Variants in SPOCK3 observed in about 807,000 individuals in gnomAD.
SPOCK3 encodes SPARC (osteonectin), cwcv and kazal like domains proteoglycan 3.
In SPOCK3, 30 loss-of-function variants were observed where a neutral mutation model predicts 56.6. The observed-to-expected ratio is 0.53, with a 90% CI of 0.40 to 0.72. The LOEUF (loss-of-function observed/expected upper bound fraction) is 0.72. Among genes scored for constraint, SPOCK3 ranks in the 30% least tolerant of loss-of-function variants. The pLI is 0.00. For synonymous variants in SPOCK3, 196 were observed against 183.3 expected (o/e 1.07, Z -0.56); for missense variants, 527 against 530.0 (o/e 0.99, Z 0.06).
intron 4 of SPOCK3, among the ~76,000 whole-genome samples, chr4:166,942,223 T>A (rs1453735332): frequency 1.3e-5 from 2 of 152,110 alleles, no homozygotes; most frequent in Non-Finnish European, 2.9e-5. Context: ...TAATTTTTTT[T>A]ATTTTTTAGA....
At chr4:167,175,892 A>G (rs1730941797) in intron 2 of SPOCK3, among the ~76,000 whole-genome samples, 1 of 152,168 alleles carries the variant, frequency 6.6e-6, no homozygotes, top group Non-Finnish European at 1.5e-5. Context: ...AGTGTATTGT[A>G]TTAATTTCCT....
intron 2 of SPOCK3, among the ~76,000 whole-genome samples, chr4:167,152,419 C>G (rs746283141): frequency 6.6e-6 from 1 of 152,056 alleles, no homozygotes; most frequent in African/African-American, 2.4e-5. Flanking sequence ...TATATAACAA[C>G]GAACCATGGA....
chr4:166,808,187 G>C (rs1743378797), intron 6 of SPOCK3, among the ~76,000 whole-genome samples: 1 of 151,578 alleles, frequency 6.6e-6, no homozygotes, highest in Non-Finnish European at 1.5e-5. Flanking sequence ...TTGTTTCTTT[G>C]TTTGTGTGAT....
At chr4:167,225,980 T>C (rs943321224) in intron 2 of SPOCK3, among the ~76,000 whole-genome samples, 1 of 152,154 alleles carries the variant, frequency 6.6e-6, no homozygotes, top group African/African-American at 2.4e-5. Context: ...CTTTCCTTTT[T>C]CTGCATCGGA....
At chr4:167,141,065 G>C (rs993162119) in intron 2 of SPOCK3, among the ~76,000 whole-genome samples, 2 of 151,978 alleles carry the variant, frequency 1.3e-5, no homozygotes, top group African/African-American at 4.8e-5. Flanking sequence ...CCCCAGAGGA[G>C]TTGGCCTCCT....
At chr4:166,991,939 G>C (rs1461010140) in intron 4 of SPOCK3, among the ~76,000 whole-genome samples, 1 of 152,092 alleles carries the variant, frequency 6.6e-6, no homozygotes, top group Non-Finnish European at 1.5e-5. Context: ...GAAGCGTGTT[G>C]TACAAAGCAT....
intron 7 of SPOCK3, among the ~76,000 whole-genome samples, chr4:166,767,832 T>C (rs931669980): frequency 5.3e-5 from 8 of 151,674 alleles, no homozygotes; most frequent in Non-Finnish European, 1.2e-4. Context: ...CTAAGTCTCT[T>C]TGTAGATCTC....
chr4:167,151,875 A>G (rs1474748363), intron 2 of SPOCK3, among the ~76,000 whole-genome samples: 1 of 152,158 alleles, frequency 6.6e-6, no homozygotes, highest in Non-Finnish European at 1.5e-5. Context: ...GTATGGTTTC[A>G]TTGCTATGCT....
chr4:166,790,597 C>A (rs1741238680), intron 7 of SPOCK3, among the ~76,000 whole-genome samples: 1 of 152,094 alleles, frequency 6.6e-6, no homozygotes, highest in African/African-American at 2.4e-5. Context: ...TAATCTACTA[C>A]CTTTAGAGAG....
chr4:167,065,864 T>A (rs1339970428), intron 2 of SPOCK3, among the ~76,000 whole-genome samples: 1 of 151,864 alleles, frequency 6.6e-6, no homozygotes, highest in Non-Finnish European at 1.5e-5. Context: ...AACCAGGGAT[T>A]TAGAAAACAA....
chr4:166,945,076 C>A (rs935812246), intron 4 of SPOCK3, among the ~76,000 whole-genome samples: 1 of 152,054 alleles, frequency 6.6e-6, no homozygotes, highest in Non-Finnish European at 1.5e-5. Context: ...CACTTCTTTG[C>A]TTTCTGGAAC....
intron 5 of SPOCK3, among the ~76,000 whole-genome samples, chr4:166,908,837 C>T (rs886846790): frequency 1.3e-5 from 2 of 151,932 alleles, no homozygotes; most frequent in Non-Finnish European, 2.9e-5. Context: ...TAGTTCTTAC[C>T]GCAGCTTGAC....
At chr4:166,851,662 G>A (rs2126874386) in intron 6 of SPOCK3, among the ~76,000 whole-genome samples, 2 of 152,246 alleles carry the variant, frequency 1.3e-5, no homozygotes, top group South Asian at 4.1e-4. Flanking sequence ...TGCTGGAGAG[G>A]ATGTGGAGAA....
intron 4 of SPOCK3, among the ~76,000 whole-genome samples, chr4:166,964,608 G>A (rs76759501): frequency 0.061 from 9,164 of 151,420 alleles, 318 homozygotes; most frequent in South Asian, 0.065. Context: ...CTAAATATAC[G>A]TATGTAAATA....
chr4:167,228,090 G>C (rs771762736), intron 2 of SPOCK3, among the ~76,000 whole-genome samples: 1 of 152,020 alleles, frequency 6.6e-6, no homozygotes, highest in Non-Finnish European at 1.5e-5. Context: ...TTTTGGGGGT[G>C]GCTAGATGGA....
chr4:166,786,844 A>T (rs1482100403), intron 7 of SPOCK3, among the ~76,000 whole-genome samples: 4 of 151,028 alleles, frequency 2.6e-5, no homozygotes, highest in African/African-American at 9.7e-5. Context: ...TTATTGCCCT[A>T]TATTTGGGGT....
chr4:166,822,571 T>C (rs564109749), intron 6 of SPOCK3, among the ~76,000 whole-genome samples: 1 of 152,216 alleles, frequency 6.6e-6, no homozygotes, highest in African/African-American at 2.4e-5. Context: ...AACTGGCAGC[T>C]AAGCTGATTG....
At chr4:167,021,544 TAAAC>T (rs951343779) in intron 3 of SPOCK3, among the ~76,000 whole-genome samples, 18 of 151,936 alleles carry the variant, frequency 1.2e-4, no homozygotes, top group Admixed American at 8.5e-4. Context: ...CAAGGAAGGC[TAAAC>T]AGGGGAATGA....
At chr4:166,737,815 G>A (rs1579070973) in intron 9 of SPOCK3, among the ~76,000 whole-genome samples, 2 of 152,148 alleles carry the variant, frequency 1.3e-5, no homozygotes, top group South Asian at 4.1e-4. Context: ...ACAATGAACT[G>A]CTTATAGTTC....
Sources: allele counts gnomAD v4.1 joint callset (sites outside exome capture counted in the v4.1 genomes callset), GRCh38; gene constraint gnomAD v4.1.1; transcripts MANE v1.5; gene names NCBI Gene and HGNC (gene_info 2026-07-23, HGNC 2026-07-21).